IRF2: variants seen among roughly 807,000 people sequenced by gnomAD.
IRF2 encodes interferon regulatory factor 2.
In IRF2, 15 loss-of-function variants were observed where a neutral mutation model predicts 40.6. The observed-to-expected ratio is 0.37, with a 90% CI of 0.25 to 0.57. The LOEUF is 0.57. IRF2 is among the 20% of genes least tolerant of loss of function. The pLI is 0.77. For synonymous variants in IRF2, 151 were observed against 165.5 expected (o/e 0.91, Z 0.67); for missense variants, 317 against 455.7 (o/e 0.70, Z 2.77).
rs550281354 is a variant in IRF2 at position 184,418,095 on chromosome 4, C to T, written c.411+72G>A. The T allele has an allele frequency of 2.6e-6, 3 of 1,165,918 alleles. No homozygotes were observed. In the South Asian group the frequency reaches 3.7e-5, roughly 14 times the overall value. The allele number at this position is 1,165,918 out of a possible 1,614,324, so 72.2% of individuals were successfully genotyped here. On this transcript the variant is annotated intron_variant, in intron 5 of 8. Transcript: ENST00000393593. ...GACACACTGAGGTCCTGTGACTCAT[C>T]TTTACAAGGCAGAATATGAGTCATT... is the stretch of plus-strand genomic sequence containing the variant.
chr4:184,393,615 C>T (rs1736338149), intron 7 of IRF2, among the ~76,000 whole-genome samples: 1 of 152,194 alleles, frequency 6.6e-6, no homozygotes, highest in Admixed American at 6.5e-5. Context: ...GGGGAAATAG[C>T]TGCAGATAAG....
intron 1 of IRF2, among the ~76,000 whole-genome samples, chr4:184,432,230 C>A (rs771476355): frequency 6.6e-6 from 1 of 152,202 alleles, no homozygotes; most frequent in Non-Finnish European, 1.5e-5. Context: ...TACTCAGATG[C>A]GTTGGTGGTC....
chr4:184,416,344 CG>C (rs1737273789), intron 5 of IRF2, among the ~76,000 whole-genome samples: 4 of 88,728 alleles, frequency 4.5e-5, no homozygotes, highest in Non-Finnish European at 6.7e-5. Flanking sequence ...AAAAAAAAAA[CG>C]AAAAAAAAAA....
chr4:184,463,647 C>CAT (rs66989857), intron 1 of IRF2, among the ~76,000 whole-genome samples: 3 of 151,212 alleles, frequency 2.0e-5, no homozygotes, highest in South Asian at 2.1e-4. Flanking sequence ...CAATATCGTG[C>CAT]ATATATATAT....
chr4:184,417,282 G>A (rs1737315989), intron 5 of IRF2, among the ~76,000 whole-genome samples: 1 of 152,020 alleles, frequency 6.6e-6, no homozygotes, highest in Admixed American at 6.6e-5. Flanking sequence ...ACAAAATTAG[G>A]CCTTTAATAC....
intron 6 of IRF2, chr4:184,407,262 T>C (rs928828606): frequency 3.1e-6 from 4 of 1,271,808 alleles, no homozygotes; most frequent in Non-Finnish European, 4.1e-6. Flanking sequence ...GAAGTCACCA[T>C]ACACACAACA....
chr4:184,465,190 A>G (rs1184693819), intron 1 of IRF2, among the ~76,000 whole-genome samples: 1 of 152,190 alleles, frequency 6.6e-6, no homozygotes, highest in African/African-American at 2.4e-5. Flanking sequence ...CACCAATCTA[A>G]GTGTCTCCAA....
At chr4:184,428,922 T>G (rs1737768216) in intron 2 of IRF2, 56 bp downstream of exon 2, 3 of 1,357,366 alleles carry the variant, frequency 2.2e-6, no homozygotes, top group African/African-American at 2.9e-5. Flanking sequence ...GCAGTCCGCA[T>G]GGGCGTGTTT....
chr4:184,456,211 A>C (rs1017236591), intron 1 of IRF2, among the ~76,000 whole-genome samples: 1 of 152,192 alleles, frequency 6.6e-6, no homozygotes, highest in Admixed American at 6.5e-5. Flanking sequence ...GTGACTCTGC[A>C]CTTCAAATAG....
chr4:184,449,374 T>C (rs747554925), intron 1 of IRF2, among the ~76,000 whole-genome samples: 1 of 152,210 alleles, frequency 6.6e-6, no homozygotes, highest in Admixed American at 6.5e-5. Flanking sequence ...GCAAACCTTC[T>C]CCATTTCACC....
chr4:184,397,974 C>G (rs1736527981), intron 7 of IRF2, among the ~76,000 whole-genome samples: 1 of 152,144 alleles, frequency 6.6e-6, no homozygotes, highest in Admixed American at 6.5e-5. Flanking sequence ...TGGGCCAACT[C>G]CTGTCATTAT....
At chr4:184,417,308 T>C (rs1737316937) in intron 5 of IRF2, among the ~76,000 whole-genome samples, 1 of 152,186 alleles carries the variant, frequency 6.6e-6, no homozygotes, top group Non-Finnish European at 1.5e-5. Context: ...AATATTTAAA[T>C]TTAGTTAAAA....
chr4:184,390,722 C>A lies in IRF2; in HGVS notation c.722G>T (p.Ser241Ile). The A allele has an allele frequency of 6.2e-7, 1 of 1,614,186 alleles. No individual in the cohort carries two copies. The highest frequency in any genetic ancestry group is 1.1e-5 in the South Asian group (1 of 91,088). Residue 241 changes from serine (S) to isoleucine (I), a missense_variant, in exon 8 of 9, where the codon AGC (serine) becomes ATC (isoleucine). Physicochemically the swap from Ser to Ile is moderately radical, Grantham distance 142. Around this residue, in one of 2 missense-constraint regions of IRF2, gnomAD observed 262 missense variants for 334.0 expected, o/e 0.78. Coordinates refer to ENST00000393593, the MANE Select transcript of IRF2 (RefSeq NM_002199.4). ...AESETTDSVP[S>I]DEESAEGRPH... ...GCTTACCTCGGCACTCTCTTCATCGCTGGGCACACTATCAGTCGTTTCGCT... is the reference window on the plus strand; with the variant it reads ...GCTTACCTCGGCACTCTCTTCATCGATGGGCACACTATCAGTCGTTTCGCT...
At chr4:184,406,224 C>G (rs1371228027) in intron 6 of IRF2, among the ~76,000 whole-genome samples, 1 of 145,888 alleles carries the variant, frequency 6.9e-6, no homozygotes, top group African/African-American at 2.6e-5. Context: ...CCCAGAGCTA[C>G]TTTTTATCTT....
At chr4:184,450,209 A>G (rs949687788) in intron 1 of IRF2, among the ~76,000 whole-genome samples, 4 of 152,240 alleles carry the variant, frequency 2.6e-5, no homozygotes, top group Non-Finnish European at 2.9e-5. Flanking sequence ...GGGATAAATA[A>G]AAGCTATGAA....
chr4:184,429,143 C>A, intron 1 of IRF2, 73 bp from the exon 2 acceptor site: 1 of 1,146,392 alleles, frequency 8.7e-7, no homozygotes, highest in Non-Finnish European at 1.3e-6. Context: ...AGTTCTACAC[C>A]CCGCCTGACT....
chr4:184,437,881 T>C (rs1346364116), intron 1 of IRF2, among the ~76,000 whole-genome samples: 1 of 151,462 alleles, frequency 6.6e-6, no homozygotes, highest in East Asian at 1.9e-4. Context: ...TATAGGAATC[T>C]AACAGCAGTG....
At chr4:184,459,699 TG>T (rs1739065909) in intron 1 of IRF2, among the ~76,000 whole-genome samples, 1 of 152,212 alleles carries the variant, frequency 6.6e-6, no homozygotes, top group Admixed American at 6.5e-5. Flanking sequence ...AGAAAGCCCT[TG>T]AATAGACATT....
chr4:184,435,983 T>TC (rs1192786214), intron 1 of IRF2, among the ~76,000 whole-genome samples: 1 of 131,332 alleles, frequency 7.6e-6, no homozygotes, highest in African/African-American at 3.0e-5. Flanking sequence ...TTTTCTTTTT[T>TC]CTTTTTTTTT....
Sources: allele counts gnomAD v4.1 joint callset (sites outside exome capture counted in the v4.1 genomes callset), GRCh38; gene constraint gnomAD v4.1.1; regional missense constraint gnomAD v4.1.1; transcripts MANE v1.5; gene names NCBI Gene and HGNC (gene_info 2026-07-23, HGNC 2026-07-21).